DYRK1A: variants seen among roughly 807,000 people sequenced by gnomAD.
DYRK1A encodes dual specificity tyrosine-phosphorylation-regulated kinase 1A.
Under a neutral mutation model 79.7 loss-of-function variants are expected in DYRK1A, and 9 were observed. The ratio of observed to expected loss-of-function variants is 0.11; its 90% CI spans 0.07 to 0.20. DYRK1A has a LOEUF of 0.20. DYRK1A is among the 10% of genes least tolerant of loss of function. The pLI is 1.00. For synonymous variants in DYRK1A, 349 were observed against 329.7 expected (o/e 1.06, Z -0.63); for missense variants, 622 against 956.0 (o/e 0.65, Z 4.61).
chr21:37,520,356 C>G lies in DYRK1A; in HGVS notation c.*7825C>G, dbSNP rs1601349208. 6.6e-6 allele frequency: 1 copy of G among 152,280 alleles called. No individual in the cohort carries two copies. The highest frequency in any genetic ancestry group is 2.4e-5 in the African/African-American group (1 of 41,550). The allele number at this position is 152,280 out of a possible 1,614,324, so 9.4% of individuals were successfully genotyped here. On this transcript the variant is annotated 3_prime_UTR_variant, in exon 12 of 12. Transcript: ENST00000647188. ...TAAAACAGGGATATTATCGGGGAAG[C>G]TTTTGAAATGTAATAGGTTGTAACC...
At chr21:37,398,503 GTAAT>G (rs930585535) in intron 1 of DYRK1A, among the ~76,000 whole-genome samples, 35 of 152,252 alleles carry the variant, frequency 2.3e-4, no homozygotes, top group Non-Finnish European at 4.1e-4. Context: ...TTGATTTTGC[GTAAT>G]TAAACAGACT....
At chr21:37,467,059 G>A (rs73903991) in intron 2 of DYRK1A, among the ~76,000 whole-genome samples, 1 of 149,490 alleles carries the variant, frequency 6.7e-6, no homozygotes, top group South Asian at 2.1e-4. Flanking sequence ...ATGATCCTTA[G>A]TGGAAAGAGC....
intron 1 of DYRK1A, among the ~76,000 whole-genome samples, chr21:37,405,121 T>G (rs1047725118): frequency 1.3e-5 from 2 of 152,260 alleles, no homozygotes; most frequent in East Asian, 3.9e-4. Context: ...AGGTAGATAC[T>G]TAAATGATTT....
At chr21:37,455,666 C>G (rs1255157994) in intron 2 of DYRK1A, among the ~76,000 whole-genome samples, 2 of 152,140 alleles carry the variant, frequency 1.3e-5, no homozygotes, top group African/African-American at 4.8e-5. Flanking sequence ...TAAGGGCTCT[C>G]ACCGTCCCGT....
At chr21:37,397,647 A>G (rs1208066619) in intron 1 of DYRK1A, among the ~76,000 whole-genome samples, 1 of 152,126 alleles carries the variant, frequency 6.6e-6, no homozygotes, top group African/African-American at 2.4e-5. Context: ...TTCTTAATCT[A>G]AATACCCAAA....
chr21:37,469,029 G>A (rs767671547), intron 2 of DYRK1A, among the ~76,000 whole-genome samples: 4 of 152,142 alleles, frequency 2.6e-5, no homozygotes, highest in Non-Finnish European at 5.9e-5. Context: ...TACATTTCAC[G>A]ATGTGATGTA....
At chr21:37,407,454 T>TAC (rs2050169322) in intron 1 of DYRK1A, among the ~76,000 whole-genome samples, 1 of 152,180 alleles carries the variant, frequency 6.6e-6, no homozygotes, top group African/African-American at 2.4e-5. Flanking sequence ...TGCACTTCTG[T>TAC]AACAGAGTAG....
intron 2 of DYRK1A, among the ~76,000 whole-genome samples, chr21:37,431,517 A>G (rs2050774850): frequency 6.6e-6 from 1 of 152,132 alleles, no homozygotes; most frequent in African/African-American, 2.4e-5. Context: ...GTTTGGAAGC[A>G]CTGTTTCTTC....
In DYRK1A at chr21:37,524,597, A is replaced by G. The variant is rs1315793948; in HGVS notation, c.*12066A>G. 1 of 152,206 alleles carries G rather than the reference A, an allele frequency of 6.6e-6. No homozygotes were observed. The highest frequency in any genetic ancestry group is 2.4e-5 in the African/African-American group (1 of 41,454). The allele number at this position is 152,206 out of a possible 1,614,324, so 9.4% of individuals were successfully genotyped here. ...GACAACAGTTGCTCAAAGAGTTGACATTAGGAATGACATCAGTAGTCGACT... is the reference window on the plus strand; with the variant it reads ...GACAACAGTTGCTCAAAGAGTTGACGTTAGGAATGACATCAGTAGTCGACT... On this transcript the variant is annotated 3_prime_UTR_variant, in exon 12 of 12. Coordinates refer to ENST00000647188, the MANE Select transcript of DYRK1A (RefSeq NM_001347721.2).
In DYRK1A at chr21:37,515,986, AT is replaced by A. The variant is rs1286880578; in HGVS notation, c.*3456del. 1 of 152,174 alleles carries A rather than the reference AT, an allele frequency of 6.6e-6. No homozygotes were observed. Among genetic ancestry groups the A allele is most frequent in the Non-Finnish European group, 1.5e-5 (1 of 68,048 alleles). 9.4% of individuals were successfully genotyped at this position (152,174 alleles called of 1,614,324 possible). A position where few individuals can be genotyped will look rare whatever the true frequency, so the allele number is the denominator to read the frequency against. On this transcript the variant is annotated 3_prime_UTR_variant, in exon 12 of 12. Transcript: ENST00000647188. Reference sequence around the variant, plus strand: ...ACTTTTCTGTTCTTCCAATAGGGAGATACATAATCAAAATACACACGAAGAC... The same window carrying A: ...ACTTTTCTGTTCTTCCAATAGGGAGAACATAATCAAAATACACACGAAGAC...
At chr21:37,431,854 A>G (rs1313653838) in intron 2 of DYRK1A, among the ~76,000 whole-genome samples, 3 of 152,204 alleles carry the variant, frequency 2.0e-5, no homozygotes, top group African/African-American at 7.2e-5. Context: ...GTACAGTACA[A>G]AAACCAGTTT....
chr21:37,383,315 T>G (rs1158976471), intron 1 of DYRK1A, among the ~76,000 whole-genome samples: 2 of 152,254 alleles, frequency 1.3e-5, no homozygotes, highest in Non-Finnish European at 2.9e-5. Context: ...TCATTTGGTC[T>G]TCACTGGACC....
chr21:37,496,160 C>A lies in DYRK1A; in HGVS notation c.1114C>A (p.Pro372Thr), dbSNP rs1285273662. 1 of 1,613,808 alleles carries A rather than the reference C, an allele frequency of 6.2e-7. No homozygotes were observed. The highest frequency in any genetic ancestry group is 8.5e-7 in the Non-Finnish European group (1 of 1,179,932). ...AATAGTGGAAGTTCTGGGTATTCCACCTGCTCATATTCTTGACCAAGCACC... is the reference window on the plus strand; with the variant it reads ...AATAGTGGAAGTTCTGGGTATTCCAACTGCTCATATTCTTGACCAAGCACC... ...NKIVEVLGIP[P>T]AHILDQAPKA... Residue 372 changes from proline to threonine, a missense_variant, in exon 9 of 12, where the codon CCT becomes ACT. Around this residue, in one of 5 missense-constraint regions of DYRK1A, gnomAD observed 80 missense variants for 116.5 expected, o/e 0.69. Transcript: ENST00000647188.
chr21:37,389,004 C>G (rs777493937), intron 1 of DYRK1A, among the ~76,000 whole-genome samples: 1 of 151,336 alleles, frequency 6.6e-6, no homozygotes, highest in Non-Finnish European at 1.5e-5. Flanking sequence ...GTTGCCCAGG[C>G]TGGAGTGCAG....
chr21:37,515,778 T>C lies in DYRK1A; in HGVS notation c.*3247T>C, dbSNP rs375045742. ...ACATGTAAGAAAGGAAAACTTCCAT[T>C]AGTTTTCTTCTTAGGGTGTGAGAAT... On this transcript the variant is annotated 3_prime_UTR_variant, in exon 12 of 12. Coordinates refer to ENST00000647188, the MANE Select transcript of DYRK1A (RefSeq NM_001347721.2). 5 of 152,124 alleles carry C rather than the reference T, an allele frequency of 3.3e-5. No homozygotes were observed. In the East Asian group the frequency reaches 7.7e-4, roughly 23 times the overall value. The allele number at this position is 152,124 out of a possible 1,614,324, so 9.4% of individuals were successfully genotyped here. A position where few individuals can be genotyped will look rare whatever the true frequency, so the allele number is the denominator to read the frequency against.
At chr21:37,395,390 C>T (rs922598498) in intron 1 of DYRK1A, among the ~76,000 whole-genome samples, 4 of 152,092 alleles carry the variant, frequency 2.6e-5, no homozygotes, top group African/African-American at 9.7e-5. Context: ...AGTATATATT[C>T]AGGGCAGCTT....
rs9808812 is a variant in DYRK1A, at chr21:37,402,799, G to T, written c.-76-17500G>T. Among the ~76,000 whole-genome samples the T allele has an allele frequency of 5.3e-5, 8 of 151,412 alleles. No individual in the cohort carries two copies. In the East Asian group the frequency reaches 9.7e-4, roughly 18 times the overall value. On this transcript the variant is annotated intron_variant, in intron 1 of 11. Transcript: ENST00000647188. ...CTTTTTTGAGACAGAGTCTTACTCT[G>T]TTGCCCAGGCTGGAGTGCAATGGTG...
chr21:37,390,517 T>C (rs756702478), intron 1 of DYRK1A, among the ~76,000 whole-genome samples: 57 of 152,152 alleles, frequency 3.7e-4, no homozygotes, highest in Non-Finnish European at 6.9e-4. Context: ...CATAGTGTAG[T>C]GTTCTTTATG....
At chr21:37,445,839 T>C (rs184547705) in intron 2 of DYRK1A, among the ~76,000 whole-genome samples, 87 of 152,274 alleles carry the variant, frequency 5.7e-4, no homozygotes, top group Non-Finnish European at 9.7e-4. Context: ...TTAACCAATA[T>C]TAGCAGTCTT....
Sources: gnomAD v4.1 joint callset for allele counts (sites outside exome capture counted in the v4.1 genomes callset) on GRCh38, gnomAD v4.1.1 for gene constraint, gnomAD v4.1.1 regional missense constraint, MANE v1.5 for transcripts, NCBI Gene and HGNC (gene_info 2026-07-23, HGNC 2026-07-21) for gene names.